Variants in UGT8 observed in about 807,000 individuals in gnomAD.
UGT8 encodes the protein 2-hydroxyacylsphingosine 1-beta-galactosyltransferase.
UGT8 carries 12 observed loss-of-function variants against 40.5 expected under a neutral mutation model. That is an observed-to-expected ratio of 0.30 (90% CI 0.19 to 0.48). The LOEUF (loss-of-function observed/expected upper bound fraction) is 0.48, where lower values mean the gene tolerates loss of function less well. UGT8 is among the 20% of genes least tolerant of loss of function. The probability of loss-of-function intolerance (pLI) is 0.99; values close to 1 mark genes in which losing one functional copy is unlikely to be tolerated. For synonymous variants in UGT8, 224 were observed against 240.4 expected, an observed-to-expected ratio of 0.93 and a Z score of 0.63; for missense variants, 513 against 648.7, an observed-to-expected ratio of 0.79 and a Z score of 2.27.
intron 2 of UGT8, among the ~76,000 whole-genome samples, chr4:114,637,889 AG>A (rs1333056437): frequency 6.6e-6 from 1 of 152,254 alleles, no homozygotes; most frequent in Non-Finnish European, 1.5e-5. Context: ...TCATCATGAT[AG>A]GCCCACTTTA....
At chr4:114,611,210 T>G (rs1202382137) in intron 1 of UGT8, among the ~76,000 whole-genome samples, 1 of 151,908 alleles carries the variant, frequency 6.6e-6, no homozygotes, top group African/African-American at 2.4e-5. Context: ...TAATCTCAGT[T>G]GTATGATTTG....
intron 2 of UGT8, among the ~76,000 whole-genome samples, chr4:114,630,468 A>G (rs1023521493): frequency 2.6e-5 from 4 of 152,190 alleles, no homozygotes; most frequent in Admixed American, 1.3e-4. Flanking sequence ...CTTGTAACTT[A>G]CAGTGAGCCA....
At chr4:114,641,542 T>C (rs1297654869) in intron 2 of UGT8, among the ~76,000 whole-genome samples, 1 of 152,172 alleles carries the variant, frequency 6.6e-6, no homozygotes, top group Non-Finnish European at 1.5e-5. Flanking sequence ...TAATGGATGC[T>C]GGATGCTAGA....
chr4:114,614,497 A>T (rs1252901121), intron 1 of UGT8, among the ~76,000 whole-genome samples: 1 of 152,188 alleles, frequency 6.6e-6, no homozygotes, highest in East Asian at 1.9e-4. Flanking sequence ...TGAGTTTGTT[A>T]TCAGGCAAAG....
At chr4:114,627,469 A>G (rs533003497) in intron 2 of UGT8, among the ~76,000 whole-genome samples, 1 of 152,038 alleles carries the variant, frequency 6.6e-6, no homozygotes, top group Non-Finnish European at 1.5e-5. Flanking sequence ...CGTGTTAGCC[A>G]GGATGGTCTC....
chr4:114,643,752 A>G (rs1403123096), intron 2 of UGT8, among the ~76,000 whole-genome samples: 3 of 152,004 alleles, frequency 2.0e-5, no homozygotes, highest in African/African-American at 7.2e-5. Context: ...AAAGGGAATC[A>G]CTTTGGCTAA....
chr4:114,612,862 A>C (rs536419134), intron 1 of UGT8, among the ~76,000 whole-genome samples: 19 of 152,332 alleles, frequency 1.2e-4, no homozygotes, highest in African/African-American at 3.8e-4. Flanking sequence ...ATGATCCTCT[A>C]TAACTTAAAA....
At chr4:114,660,480 G>A (rs1734446701) in intron 2 of UGT8, among the ~76,000 whole-genome samples, 1 of 151,666 alleles carries the variant, frequency 6.6e-6, no homozygotes, top group African/African-American at 2.4e-5. Context: ...TGGTGTTTGT[G>A]GTTTTATTCC....
intron 2 of UGT8, among the ~76,000 whole-genome samples, chr4:114,627,190 A>G (rs894570795): frequency 6.6e-6 from 1 of 152,072 alleles, no homozygotes; most frequent in Admixed American, 6.6e-5. Flanking sequence ...ATGGATAAAG[A>G]TTAAAAAATA....
intron 1 of UGT8, among the ~76,000 whole-genome samples, chr4:114,610,900 T>A (rs1011251637): frequency 6.6e-6 from 1 of 152,140 alleles, no homozygotes; most frequent in African/African-American, 2.4e-5. Context: ...AGAAAGAATA[T>A]CTTAATTAGT....
intron 2 of UGT8, among the ~76,000 whole-genome samples, chr4:114,637,652 A>G (rs902039515): frequency 6.6e-6 from 1 of 152,196 alleles, no homozygotes; most frequent in South Asian, 2.1e-4. Flanking sequence ...AAATGCCAAA[A>G]TGTCCAGGAA....
In UGT8 at chr4:114,677,035, A is replaced by G. The variant is rs983535992; in HGVS notation, c.*747A>G. The G allele has an allele frequency of 1.3e-5, 2 of 152,118 alleles. No individual in the cohort carries two copies. The highest frequency in any genetic ancestry group is 2.9e-5 in the Non-Finnish European group (2 of 68,028). 9.4% of individuals were successfully genotyped at this position (152,118 alleles called of 1,614,324 possible). A position where few individuals can be genotyped will look rare whatever the true frequency, so the allele number is the denominator to read the frequency against. On this transcript the variant is annotated 3_prime_UTR_variant, in exon 6 of 6. Coordinates refer to ENST00000310836, the MANE Select transcript of UGT8 (RefSeq NM_001128174.3). ...CACGTTTTACTTTTGTTTTCCCACTACCAATAATTTTCCTCTGGAAGAATT... is the reference window on the plus strand; with the variant it reads ...CACGTTTTACTTTTGTTTTCCCACTGCCAATAATTTTCCTCTGGAAGAATT...
At chr4:114,640,263 C>A (rs1356654057) in intron 2 of UGT8, among the ~76,000 whole-genome samples, 3 of 152,064 alleles carry the variant, frequency 2.0e-5, no homozygotes, top group African/African-American at 7.2e-5. Flanking sequence ...ATCTCCTGAC[C>A]TTGTGATCCG....
At chr4:114,651,321 G>T (rs1168417094) in intron 2 of UGT8, among the ~76,000 whole-genome samples, 1 of 151,884 alleles carries the variant, frequency 6.6e-6, no homozygotes. Flanking sequence ...GTTACGATTG[G>T]CTCTTTCCAT....
At chr4:114,662,112 T>C (rs1201279769) in intron 2 of UGT8, among the ~76,000 whole-genome samples, 3 of 152,254 alleles carry the variant, frequency 2.0e-5, no homozygotes, top group East Asian at 1.9e-4. Flanking sequence ...TATATACATA[T>C]GTTCTTTGAC....
intron 1 of UGT8, among the ~76,000 whole-genome samples, chr4:114,606,568 G>C (rs191076195): frequency 5.9e-5 from 9 of 152,148 alleles, no homozygotes; most frequent in African/African-American, 2.2e-4. Context: ...AGGGAAGAAC[G>C]GTGAAATGTA....
At chr4:114,632,169 A>G (rs1174345761) in intron 2 of UGT8, among the ~76,000 whole-genome samples, 2 of 152,222 alleles carry the variant, frequency 1.3e-5, no homozygotes, top group East Asian at 3.8e-4. Flanking sequence ...CTAGGAGAAG[A>G]TTCAAGAATT....
chr4:114,627,320 A>G (rs962392482), intron 2 of UGT8, among the ~76,000 whole-genome samples: 1 of 143,680 alleles, frequency 7.0e-6, no homozygotes, highest in African/African-American at 2.6e-5. Context: ...GTGCAGTGGC[A>G]TGATCTCAGC....
chr4:114,628,741 G>C (rs1243456889), intron 2 of UGT8, among the ~76,000 whole-genome samples: 1 of 57,582 alleles, frequency 1.7e-5, no homozygotes, highest in Non-Finnish European at 4.8e-5. Flanking sequence ...GCATAGTCTT[G>C]GGGAGAGATA....
Sources: gnomAD v4.1 joint callset for allele counts (sites outside exome capture counted in the v4.1 genomes callset) on GRCh38, gnomAD v4.1.1 for gene constraint, MANE v1.5 for transcripts, NCBI Gene and HGNC (gene_info 2026-07-23, HGNC 2026-07-21) for gene names.